Variants in UNC5D observed in about 807,000 individuals in gnomAD.
The protein encoded by UNC5D is unc-5 netrin receptor D, also known as netrin receptor UNC5D.
Under a neutral mutation model 105.4 loss-of-function variants are expected in UNC5D, and 39 were observed. The ratio of observed to expected loss-of-function variants is 0.37; its 90% CI spans 0.29 to 0.48. The LOEUF is 0.48. UNC5D is among the 20% of genes least tolerant of loss of function. The probability of loss-of-function intolerance (pLI) is 0.98; values close to 1 mark genes in which losing one functional copy is unlikely to be tolerated. For synonymous variants in UNC5D, 452 were observed against 450.4 expected (o/e 1.00, Z -0.04); for missense variants, 991 against 1,202.4 (o/e 0.82, Z 2.60).
At chr8:35,463,803 A>G (rs1347309376) in intron 1 of UNC5D, among the ~76,000 whole-genome samples, 1 of 152,010 alleles carries the variant, frequency 6.6e-6, no homozygotes, top group Admixed American at 6.6e-5. Flanking sequence ...AAAAAAAAAA[A>G]AAAATGACAA....
intron 11 of UNC5D, among the ~76,000 whole-genome samples, chr8:35,746,361 T>C (rs1456563483): frequency 6.6e-6 from 1 of 152,118 alleles, no homozygotes; most frequent in Non-Finnish European, 1.5e-5. Flanking sequence ...TTGTTATTAA[T>C]TGTGGGGAGA....
chr8:35,550,562 A>G (rs547940550), intron 2 of UNC5D, among the ~76,000 whole-genome samples: 2 of 152,348 alleles, frequency 1.3e-5, no homozygotes, highest in African/African-American at 4.8e-5. Flanking sequence ...ACGATATTCT[A>G]TATAACAAGG....
chr8:35,429,624 CT>C (rs547509706), intron 1 of UNC5D, among the ~76,000 whole-genome samples: 7 of 152,058 alleles, frequency 4.6e-5, no homozygotes, highest in Admixed American at 2.0e-4. Flanking sequence ...TAAAATAACA[CT>C]TTTTTTCCAT....
intron 1 of UNC5D, among the ~76,000 whole-genome samples, chr8:35,342,071 C>T (rs1811492698): frequency 6.6e-6 from 1 of 151,982 alleles, no homozygotes; most frequent in Non-Finnish European, 1.5e-5. Context: ...ACCGTGGATG[C>T]ATTTAAGTAA....
At chr8:35,257,758 C>G (rs556571178) in intron 1 of UNC5D, among the ~76,000 whole-genome samples, 1 of 152,070 alleles carries the variant, frequency 6.6e-6, no homozygotes, top group South Asian at 2.1e-4. Flanking sequence ...AGAATTCATA[C>G]GTATTTAACA....
intron 1 of UNC5D, among the ~76,000 whole-genome samples, chr8:35,304,899 C>T (rs757939145): frequency 6.6e-6 from 1 of 151,962 alleles, no homozygotes; most frequent in Non-Finnish European, 1.5e-5. Flanking sequence ...CCCTGGAAGT[C>T]GTGCTGTTGT....
intron 8 of UNC5D, among the ~76,000 whole-genome samples, chr8:35,720,735 C>G (rs181718712): frequency 3.0e-4 from 45 of 152,244 alleles, no homozygotes; most frequent in African/African-American, 1.1e-3. Flanking sequence ...TTTGAATCAT[C>G]ATGAAGCTGG....
At chr8:35,573,481 AAGTT>A (rs1817885732) in intron 3 of UNC5D, among the ~76,000 whole-genome samples, 1 of 152,152 alleles carries the variant, frequency 6.6e-6, no homozygotes, top group African/African-American at 2.4e-5. Flanking sequence ...AAAGAAAAAA[AAGTT>A]AGGTGATCAA....
At chr8:35,612,723 C>CTTTTTTTTTTCTT (rs1820767064) in intron 4 of UNC5D, among the ~76,000 whole-genome samples, 1 of 64,742 alleles carries the variant, frequency 1.5e-5, no homozygotes, top group African/African-American at 7.1e-5. Flanking sequence ...AATGTTTTGC[C>CTTTTTTTTTTCTT]TTTTTTTTTT....
chr8:35,704,678 A>C lies in UNC5D; in HGVS notation c.1085-1251A>C, dbSNP rs1827432050. Among the ~76,000 whole-genome samples, 2 of 152,092 alleles carry C rather than the reference A, an allele frequency of 1.3e-5. 1 individual carries two copies. Among genetic ancestry groups the C allele is most frequent in the Admixed American group, 1.3e-4 (2 of 15,280 alleles). On this transcript the variant is annotated intron_variant, in intron 7 of 16. Coordinates refer to ENST00000404895, the MANE Select transcript of UNC5D (RefSeq NM_080872.4). Reference sequence around the variant, plus strand: ...ATGAGAAGGAGGAAGCACCATGCAGATCTTCTAGAATCTTGGCATAGCGTC... The same window carrying C: ...ATGAGAAGGAGGAAGCACCATGCAGCTCTTCTAGAATCTTGGCATAGCGTC...
chr8:35,266,278 C>T (rs979330788), intron 1 of UNC5D, among the ~76,000 whole-genome samples: 3 of 152,122 alleles, frequency 2.0e-5, no homozygotes, highest in African/African-American at 7.2e-5. Context: ...TGTAAAGGTG[C>T]CTGAAATAAT....
At chr8:35,719,425 G>A (rs1828448124) in intron 8 of UNC5D, among the ~76,000 whole-genome samples, 1 of 152,052 alleles carries the variant, frequency 6.6e-6, no homozygotes, top group South Asian at 2.1e-4. Flanking sequence ...AGAGAGAAGG[G>A]TAAAAAAGAA....
chr8:35,617,045 G>T (rs1447103384), intron 4 of UNC5D, among the ~76,000 whole-genome samples: 1 of 152,150 alleles, frequency 6.6e-6, no homozygotes, highest in Non-Finnish European at 1.5e-5. Context: ...TCCTGCTGAG[G>T]CAGCATGGAT....
intron 7 of UNC5D, among the ~76,000 whole-genome samples, chr8:35,694,225 T>C (rs1464218436): frequency 1.3e-5 from 2 of 151,758 alleles, no homozygotes; most frequent in African/African-American, 2.4e-5. Flanking sequence ...AACTGGGGAC[T>C]GTTGGAAGGT....
At chr8:35,343,092 TGAC>T (rs1811567683) in intron 1 of UNC5D, among the ~76,000 whole-genome samples, 1 of 152,098 alleles carries the variant, frequency 6.6e-6, no homozygotes, top group South Asian at 2.1e-4. Flanking sequence ...TCTGTGGTTC[TGAC>T]AAGTTCCTAG....
intron 15 of UNC5D, 106 bp from the exon 16 acceptor site, chr8:35,774,193 A>G: frequency 2.4e-6 from 3 of 1,259,664 alleles, no homozygotes; most frequent in Non-Finnish European, 2.2e-6. Flanking sequence ...ACAACAGGCA[A>G]GCATTTTGTG....
chr8:35,694,992 T>A (rs1586457729), intron 7 of UNC5D, among the ~76,000 whole-genome samples: 1 of 152,328 alleles, frequency 6.6e-6, no homozygotes, highest in East Asian at 1.9e-4. Context: ...ACACGTTTCC[T>A]AATATATCTG....
intron 1 of UNC5D, among the ~76,000 whole-genome samples, chr8:35,330,368 C>T (rs1810518717): frequency 6.6e-6 from 1 of 152,162 alleles, no homozygotes; most frequent in Non-Finnish European, 1.5e-5. Context: ...ATCACCTTTC[C>T]AGACTCCATT....
chr8:35,637,945 T>C (rs1822483428), intron 4 of UNC5D, among the ~76,000 whole-genome samples: 1 of 152,164 alleles, frequency 6.6e-6, no homozygotes, highest in Admixed American at 6.6e-5. Context: ...CAGTCTATTA[T>C]GTTTCTGATT....
Sources: allele counts gnomAD v4.1 joint callset (sites outside exome capture counted in the v4.1 genomes callset), GRCh38; gene constraint gnomAD v4.1.1; transcripts MANE v1.5; gene names NCBI Gene and HGNC (gene_info 2026-07-23, HGNC 2026-07-21).